LYRM4: variants seen among roughly 807,000 people sequenced by gnomAD.
LYRM4 encodes LYR motif containing 4.
A neutral mutation model predicts 11.7 loss-of-function variants in LYRM4; 9 were observed. That is an observed-to-expected ratio of 0.77 (90% CI 0.46 to 1.34). The LOEUF (loss-of-function observed/expected upper bound fraction) is 1.34. LYRM4 is among the 40% of genes most tolerant of loss of function. LYRM4 has a pLI of 0.00. For missense variants in LYRM4, 133 were observed against 112.5 expected (o/e 1.18, Z -0.82); for synonymous variants, 42 against 40.4 (o/e 1.04, Z -0.15).
At chr6:5,234,818 T>A (rs183666975) in intron 1 of LYRM4, among the ~76,000 whole-genome samples, 3 of 152,098 alleles carry the variant, frequency 2.0e-5, no homozygotes, top group African/African-American at 7.2e-5. Context: ...CATTACTAGA[T>A]TGAGGAAGAA....
intron 2 of LYRM4, among the ~76,000 whole-genome samples, chr6:5,185,163 G>A (rs1247715332): frequency 6.6e-6 from 1 of 152,162 alleles, no homozygotes; most frequent in Non-Finnish European, 1.5e-5. Flanking sequence ...CCCAATACCT[G>A]GGTGAAAGTC....
In LYRM4 at chr6:5,245,128, ATATATATATAT is replaced by A. The variant is rs1214759005; in HGVS notation, c.86+15509_86+15519del. 2.3e-4 allele frequency among the ~76,000 whole-genome samples: 14 copies of A among 61,368 alleles called. 1 individual carries two copies. The highest frequency in any genetic ancestry group is 1.1e-3 in the African/African-American group (14 of 12,474). 40.3% of individuals were successfully genotyped at this position (61,368 alleles called of 152,430 possible). A position where few individuals can be genotyped will look rare whatever the true frequency, so the allele number is the denominator to read the frequency against. On this transcript the variant is annotated intron_variant, in intron 1 of 2. Coordinates refer to ENST00000330636, the MANE Select transcript of LYRM4 (RefSeq NM_020408.6). The stretch of plus-strand genomic sequence containing the variant: ...AAAAAAAAAAAATATATATATATAT[ATATATATATAT>A]ATATATATATATATATATATATATA...
intron 2 of LYRM4, among the ~76,000 whole-genome samples, chr6:5,153,732 G>C (rs1758223282): frequency 6.6e-6 from 1 of 152,176 alleles, no homozygotes. Context: ...AACCACTGTT[G>C]TACGGTGCTC....
chr6:5,152,909 T>G (rs140228734), intron 2 of LYRM4, among the ~76,000 whole-genome samples: 80 of 152,324 alleles, frequency 5.3e-4, no homozygotes, highest in Admixed American at 1.0e-3. Flanking sequence ...GTGGCTTATT[T>G]AATGACAGGA....
At chr6:5,260,598 T>TGCCCCGGCCCCCGGCCCCCCCCCCCCCCC in intron 1 of LYRM4, 50 bp downstream of exon 1, 1 of 1,105,566 alleles carries the variant, frequency 9.0e-7, no homozygotes, top group Non-Finnish European at 1.3e-6. Context: ...GCACCCCCGG[T>TGCCCCGGCCCCCGGCCCCCCCCCCCCCCC]CCCCGGCCCC....
At chr6:5,153,013 G>A (rs1179369866) in intron 2 of LYRM4, among the ~76,000 whole-genome samples, 1 of 152,204 alleles carries the variant, frequency 6.6e-6, no homozygotes, top group Non-Finnish European at 1.5e-5. Flanking sequence ...AAGGCAGTAC[G>A]TACCTAATTC....
At chr6:5,205,539 A>T (rs77039904) in intron 2 of LYRM4, among the ~76,000 whole-genome samples, 9 of 151,748 alleles carry the variant, frequency 5.9e-5, no homozygotes, top group Non-Finnish European at 8.8e-5. Flanking sequence ...AATGTCTTAT[A>T]AAAAAAAACA....
chr6:5,183,833 T>C (rs1760222713), intron 2 of LYRM4, among the ~76,000 whole-genome samples: 1 of 152,242 alleles, frequency 6.6e-6, no homozygotes, highest in Non-Finnish European at 1.5e-5. Flanking sequence ...TAAGAACCAC[T>C]GCAGATCTAT....
In LYRM4 at chr6:5,144,624, C is replaced by CAAAAAAAAAA. The variant is rs71540849; in HGVS notation, c.208-35143_208-35134dup. On this transcript the variant is annotated intron_variant, in intron 2 of 2. Transcript: ENST00000330636. ...TGGGCGACACAGCGAGACTCCGTCTCAAAAAAAAAAAAAAAAAAAAAAAAA... is the reference window on the plus strand; with the variant it reads ...TGGGCGACACAGCGAGACTCCGTCTCAAAAAAAAAAAAAAAAAAAAAAAAAAAAAAAAAAA... 5.9e-4 allele frequency among the ~76,000 whole-genome samples: 22 copies of CAAAAAAAAAA among 37,600 alleles called. 3 individuals carry two copies. The highest frequency in any genetic ancestry group is 9.7e-4 in the Admixed American group (2 of 2,070). The allele number at this position is 37,600 out of a possible 152,430, so 24.7% of individuals were successfully genotyped here. A position where few individuals can be genotyped will look rare whatever the true frequency, so the allele number is the denominator to read the frequency against.
At chr6:5,079,599 A>G in the LYRM4 span, among the ~76,000 whole-genome samples, 1 of 152,262 alleles carries the variant, frequency 6.6e-6, no homozygotes, top group Non-Finnish European at 1.5e-5. Flanking sequence ...TGTGAAGAGA[A>G]AAATGGAATC....
chr6:5,090,045 A>AC, the LYRM4 span, among the ~76,000 whole-genome samples: 8 of 149,428 alleles, frequency 5.4e-5, no homozygotes, highest in African/African-American at 2.0e-4. The surrounding 1 kb of genome is among the most constrained non-coding windows in gnomAD (Gnocchi z 4.8). Context: ...CACACACCAC[A>AC]CACACACCAC....
chr6:5,099,566 G>A (rs1351151290), downstream of LYRM4, among the ~76,000 whole-genome samples: 2 of 152,106 alleles, frequency 1.3e-5, no homozygotes, highest in African/African-American at 4.8e-5. The surrounding 1 kb of genome is among the most constrained non-coding windows in gnomAD (Gnocchi z 4.3). Context: ...TGTAGCCTAT[G>A]TCAATTATCA....
At chr6:5,208,569 T>C (rs562351554) in intron 2 of LYRM4, among the ~76,000 whole-genome samples, 27 of 152,304 alleles carry the variant, frequency 1.8e-4, no homozygotes, top group African/African-American at 5.8e-4. Context: ...GAAAGACGCA[T>C]AGGGACAGGC....
chr6:5,066,882 T>C, the LYRM4 span: 2 of 1,065,716 alleles, frequency 1.9e-6, no homozygotes, highest in Non-Finnish European at 2.8e-6. Context: ...CGGCAAGTGC[T>C]TTCGCATCGC....
chr6:5,242,406 G>A (rs116559449), intron 1 of LYRM4, among the ~76,000 whole-genome samples: 1,714 of 150,746 alleles, frequency 0.011, 25 homozygotes, highest in African/African-American at 0.04. Context: ...CCTACTCTAG[G>A]CAAAGCCAGT....
At chr6:5,258,923 T>C (rs1764805572) in intron 1 of LYRM4, among the ~76,000 whole-genome samples, 1 of 152,356 alleles carries the variant, frequency 6.6e-6, no homozygotes, top group Admixed American at 6.5e-5. Context: ...GATTTTCCTG[T>C]TCAGTTGGCA....
intron 2 of LYRM4, among the ~76,000 whole-genome samples, chr6:5,126,402 T>C (rs1763700731): frequency 6.6e-6 from 1 of 152,172 alleles, no homozygotes; most frequent in African/African-American, 2.4e-5. Context: ...ATTTGAAGAA[T>C]GCAGACAGCA....
intron 2 of LYRM4, among the ~76,000 whole-genome samples, chr6:5,186,424 C>T (rs1760397468): frequency 6.6e-6 from 1 of 152,126 alleles, no homozygotes; most frequent in South Asian, 2.1e-4. Context: ...GCCTTGCGTT[C>T]TGGTGTGTTG....
chr6:5,101,082 C>T (rs149772144), downstream of LYRM4, among the ~76,000 whole-genome samples: 714 of 152,286 alleles, frequency 4.7e-3, 4 homozygotes, highest in Non-Finnish European at 5.1e-3. Context: ...ACATCGCTGC[C>T]GTACATCGCT....
Sources: allele counts gnomAD v4.1 joint callset (sites outside exome capture counted in the v4.1 genomes callset), GRCh38; gene constraint gnomAD v4.1.1; non-coding constraint Gnocchi (gnomAD v3.1); transcripts MANE v1.5; gene names NCBI Gene and HGNC (gene_info 2026-07-23, HGNC 2026-07-21).